The following FMN1 variants were observed in gnomAD, a reference collection of about 807,000 sequenced individuals.
FMN1 encodes formin 1, also known as formin-1.
In FMN1, 110 loss-of-function variants were observed where a neutral mutation model predicts 132.4. The observed-to-expected ratio is 0.83, with a 90% CI of 0.71 to 0.97. The LOEUF (loss-of-function observed/expected upper bound fraction) is 0.97. Ranked by LOEUF, FMN1 falls within the 50% of genes least tolerant of loss-of-function variation. The probability of loss-of-function intolerance (pLI) is 0.00; values close to 1 mark genes in which losing one functional copy is unlikely to be tolerated. For missense variants in FMN1, 1,792 were observed against 1,705.3 expected (o/e 1.05, Z -0.90); for synonymous variants, 722 against 651.7 (o/e 1.11, Z -1.64).
intron 9 of FMN1, among the ~76,000 whole-genome samples, chr15:32,944,667 C>T (rs1458709132): frequency 6.6e-6 from 1 of 151,936 alleles, no homozygotes; most frequent in Non-Finnish European, 1.5e-5. Flanking sequence ...CACCCCATCC[C>T]CATCCTGACG....
intron 19 of FMN1, among the ~76,000 whole-genome samples, chr15:32,779,746 A>G (rs1469155217): frequency 2.6e-5 from 4 of 152,150 alleles, no homozygotes; most frequent in African/African-American, 4.8e-5. Context: ...AATTAAACTT[A>G]ATTTTCACAA....
In FMN1 at chr15:32,798,740, A is replaced by T. The variant is rs867983808; in HGVS notation, c.4130+64T>A. On this transcript the variant is annotated intron_variant, in intron 19 of 20. Transcript: ENST00000616417. ...AGGTGTGAAATAGACACACTTTGATAGGTTTAAGAGTGCAGTTTCCTAGGC... is the reference window on the plus strand; with the variant it reads ...AGGTGTGAAATAGACACACTTTGATTGGTTTAAGAGTGCAGTTTCCTAGGC... 4.4e-6 allele frequency: 6 copies of T among 1,353,256 alleles called. No individual in the cohort carries two copies. In the Middle Eastern group the frequency reaches 9.6e-4, roughly 217 times the overall value. 83.8% of individuals were successfully genotyped at this position (1,353,256 alleles called of 1,614,324 possible).
rs528910491 is a variant in FMN1, at chr15:32,908,698, A to T, written c.3289-120T>A. 680 of 627,158 alleles carry T rather than the reference A, an allele frequency of 1.1e-3. 4 individuals carry two copies. In the African/African-American group the frequency reaches 0.011, roughly 10 times the overall value. 38.8% of individuals were successfully genotyped at this position (627,158 alleles called of 1,614,324 possible). ...GGTTCCTAGACTAGCAGCATCAACA[A>T]CATCACCTGTCACTTGTCAGAAATG... On this transcript the variant is annotated intron_variant, in intron 11 of 20. Coordinates refer to ENST00000616417, the MANE Select transcript of FMN1 (RefSeq NM_001277313.2).
At chr15:33,165,062 G>T (rs897204127) in intron 3 of FMN1, among the ~76,000 whole-genome samples, 5 of 151,982 alleles carry the variant, frequency 3.3e-5, no homozygotes, top group Non-Finnish European at 7.4e-5. Context: ...TGTACCCACC[G>T]CCTGATTTAA....
At chr15:32,894,202 T>C (rs1372052136) in intron 15 of FMN1, among the ~76,000 whole-genome samples, 3 of 152,174 alleles carry the variant, frequency 2.0e-5, no homozygotes, top group East Asian at 1.9e-4. Context: ...AAAGAGACAA[T>C]GGCCAGGTAT....
chr15:32,981,781 C>T (rs2032696268), intron 7 of FMN1, among the ~76,000 whole-genome samples: 2 of 152,018 alleles, frequency 1.3e-5, no homozygotes, highest in South Asian at 4.1e-4. Flanking sequence ...TTGATTTAGG[C>T]ATTCCACAAC....
rs1030754757 is a variant in FMN1 at position 32,774,373 on chromosome 15, T to A, written c.4216-19A>T. The A allele has an allele frequency of 2.0e-5, 31 of 1,561,108 alleles. No homozygotes were observed. Among genetic ancestry groups the A allele is most frequent in the Non-Finnish European group, 2.5e-5 (29 of 1,148,994 alleles). On this transcript the variant is annotated intron_variant, in intron 20 of 20. Coordinates refer to ENST00000616417, the MANE Select transcript of FMN1 (RefSeq NM_001277313.2). ...TTTCTTTCTGTTAAGGAAAAAAAAA[T>A]GAATGTATCATTTTCTTTCATCTTT...
At chr15:33,024,467 C>T (rs112061243) in intron 6 of FMN1, among the ~76,000 whole-genome samples, 47 of 151,638 alleles carry the variant, frequency 3.1e-4, no homozygotes, top group African/African-American at 1.0e-3. Flanking sequence ...AGGATGGTCT[C>T]GATTTCCTGA....
rs182706128 is a variant in FMN1 at position 33,129,642 on chromosome 15, T to A, written c.1867+23406A>T. Among the ~76,000 whole-genome samples, 3 of 152,236 alleles carry A rather than the reference T, an allele frequency of 2.0e-5. No individual in the cohort carries two copies. In the East Asian group the frequency reaches 5.8e-4, roughly 29 times the overall value. On this transcript the variant is annotated intron_variant, in intron 4 of 20. Coordinates refer to ENST00000616417, the MANE Select transcript of FMN1 (RefSeq NM_001277313.2). The stretch of plus-strand genomic sequence containing the variant: ...CAATCCTACAGATGAGGAGACTGAA[T>A]CTGAGGGTGGCTCAGGTCACACAGC...
At chr15:32,957,442 T>C (rs1037199970) in intron 9 of FMN1, among the ~76,000 whole-genome samples, 1 of 151,400 alleles carries the variant, frequency 6.6e-6, no homozygotes. Context: ...AAATATGACA[T>C]ATTGACAGGG....
chr15:33,039,674 C>T (rs2036340924), intron 6 of FMN1, among the ~76,000 whole-genome samples: 1 of 152,098 alleles, frequency 6.6e-6, no homozygotes, highest in African/African-American at 2.4e-5. Context: ...TTTTAATAGC[C>T]CTGACAATAG....
At chr15:32,851,920 A>C (rs1029017313) in intron 17 of FMN1, among the ~76,000 whole-genome samples, 1 of 152,194 alleles carries the variant, frequency 6.6e-6, no homozygotes, top group Non-Finnish European at 1.5e-5. Flanking sequence ...ATAAGTGATA[A>C]GACTCCTAAT....
chr15:32,765,863 T>C lies in FMN1; in HGVS notation c.*8447A>G, dbSNP rs1045302093. The C allele has an allele frequency of 1.3e-5, 2 of 152,196 alleles. No individual in the cohort carries two copies. The highest frequency in any genetic ancestry group is 2.4e-5 in the African/African-American group (1 of 41,454). 9.4% of individuals were successfully genotyped at this position (152,196 alleles called of 1,614,324 possible). ...TCAGTGTTGGTTCCTTCACTCTCTT[T>C]TTAAAAATAAATACTTCATTTGGTT... On this transcript the variant is annotated 3_prime_UTR_variant, in exon 21 of 21. Coordinates refer to ENST00000616417, the MANE Select transcript of FMN1 (RefSeq NM_001277313.2).
At chr15:32,948,591 G>T (rs2061558746) in intron 9 of FMN1, among the ~76,000 whole-genome samples, 1 of 151,864 alleles carries the variant, frequency 6.6e-6, no homozygotes, top group Non-Finnish European at 1.5e-5. Context: ...TCTACTTCTT[G>T]ACTGTTTTGA....
At chr15:32,921,216 A>G (rs2060813663) in intron 10 of FMN1, among the ~76,000 whole-genome samples, 1 of 152,210 alleles carries the variant, frequency 6.6e-6, no homozygotes, top group Non-Finnish European at 1.5e-5. Context: ...ACCTAAAGAA[A>G]AACACCTAGC....
At chr15:32,916,637 A>AT (rs1387457835) in intron 10 of FMN1, among the ~76,000 whole-genome samples, 2 of 152,030 alleles carry the variant, frequency 1.3e-5, no homozygotes, top group African/African-American at 4.8e-5. Flanking sequence ...TCTTCTTTTT[A>AT]TTTCCTTAAG....
chr15:32,973,111 A>T (rs1265214844), intron 7 of FMN1, among the ~76,000 whole-genome samples: 3 of 152,186 alleles, frequency 2.0e-5, no homozygotes, highest in Admixed American at 1.3e-4. Flanking sequence ...GGTTCCAAGA[A>T]GATTTTGAAA....
intron 5 of FMN1, among the ~76,000 whole-genome samples, chr15:33,082,229 C>G (rs1287420843): frequency 6.6e-6 from 1 of 151,892 alleles, no homozygotes. Flanking sequence ...CCCACCGCCA[C>G]GGTCGGCTAA....
chr15:33,007,108 G>A (rs537485095), intron 7 of FMN1, among the ~76,000 whole-genome samples: 34 of 152,066 alleles, frequency 2.2e-4, no homozygotes, highest in Non-Finnish European at 4.3e-4. Flanking sequence ...GTGAGACAAA[G>A]TATATATTAA....
Sources: allele counts gnomAD v4.1 joint callset (sites outside exome capture counted in the v4.1 genomes callset), GRCh38; gene constraint gnomAD v4.1.1; transcripts MANE v1.5; gene names NCBI Gene and HGNC (gene_info 2026-07-23, HGNC 2026-07-21).